The following PLXNA2 variants were observed in gnomAD, a reference collection of about 807,000 sequenced individuals.
The protein encoded by PLXNA2 is plexin-A2.
A neutral mutation model predicts 193.5 loss-of-function variants in PLXNA2; 91 were observed. That is an observed-to-expected ratio of 0.47 (90% confidence interval 0.40 to 0.56). The LOEUF is 0.56. PLXNA2 is among the 20% of genes least tolerant of loss of function. The probability of loss-of-function intolerance (pLI) is 0.00; values close to 1 mark genes in which losing one functional copy is unlikely to be tolerated. For synonymous variants in PLXNA2, 997 were observed against 1,027.3 expected, an observed-to-expected ratio of 0.97 and a Z score of 0.56; for missense variants, 1,995 against 2,503.2, an observed-to-expected ratio of 0.80 and a Z score of 4.33.
At chr1:208,073,267 C>T (rs1362004637) in intron 12 of PLXNA2, among the ~76,000 whole-genome samples, 1 of 152,164 alleles carries the variant, frequency 6.6e-6, no homozygotes, top group Admixed American at 6.5e-5. Flanking sequence ...TAACAGAAGA[C>T]CTGTATCCCT....
At chr1:208,233,523 G>A (rs1671756938) in intron 1 of PLXNA2, among the ~76,000 whole-genome samples, 1 of 152,222 alleles carries the variant, frequency 6.6e-6, no homozygotes, top group African/African-American at 2.4e-5. Flanking sequence ...CAATCGGGTG[G>A]CCTAGACCAG....
rs1229772170 is a variant in PLXNA2 at position 208,023,784 on chromosome 1, T to G, written c.*3459A>C. 6.6e-6 allele frequency: 1 copy of G among 152,264 alleles called. No homozygotes were observed. Among genetic ancestry groups the G allele is most frequent in the East Asian group, 1.9e-4 (1 of 5,194 alleles). The allele number at this position is 152,264 out of a possible 1,614,324, so 9.4% of individuals were successfully genotyped here. ...GAAGAAAGACCTTGGTTTTGTTCCG[T>G]GCTGTTTTCCCATCTCTAGAGCAGT... On this transcript the variant is annotated 3_prime_UTR_variant, in exon 32 of 32. Coordinates refer to ENST00000367033, the MANE Select transcript of PLXNA2 (RefSeq NM_025179.4).
rs1666362853 is a variant in PLXNA2, at chr1:208,082,072, C to T, written c.2395+340G>A. Reference sequence around the variant, plus strand: ...CAAGGACAGGGGAACAAGAGCCTGACTGGAAACAATATCTCCATTTCCAGG... The same window carrying T: ...CAAGGACAGGGGAACAAGAGCCTGATTGGAAACAATATCTCCATTTCCAGG... On this transcript the variant is annotated intron_variant, in intron 11 of 31. Transcript: ENST00000367033. The surrounding 1 kb of genome is among the most constrained non-coding windows in gnomAD (Gnocchi z 4.2). Among the ~76,000 whole-genome samples the T allele has an allele frequency of 6.6e-6, 1 of 152,198 alleles. No homozygotes were observed. The highest frequency in any genetic ancestry group is 2.4e-5 in the African/African-American group (1 of 41,440).
Position 208,173,890 on chromosome 1 carries a change from C to T in PLXNA2, c.1372-31427G>A, listed in dbSNP as rs77634676. Among the ~76,000 whole-genome samples, 1,074 of 152,338 alleles carry T rather than the reference C, an allele frequency of 7.1e-3. 55 individuals are homozygous for T. In the East Asian group the frequency reaches 0.15, roughly 21 times the overall value. ...CCAGCAACATCTGCTGCTGCTTGCT[C>T]GACTTTCATTTCCTCTGCCCCTCCT... On this transcript the variant is annotated intron_variant, in intron 3 of 31. Coordinates refer to ENST00000367033, the MANE Select transcript of PLXNA2 (RefSeq NM_025179.4).
chr1:208,217,645 G>A lies in PLXNA2; in HGVS notation c.278C>T (p.Ser93Phe). 1 of 1,614,206 alleles carries A rather than the reference G, an allele frequency of 6.2e-7. No individual in the cohort carries two copies. The highest frequency in any genetic ancestry group is 8.5e-7 in the Non-Finnish European group (1 of 1,180,034). ...CTGCACGATGAGGGGCGGGTAACAA[G>A]ACTTGTTGTCCTCTTCTGGCCCTGT... Reference protein sequence around the residue: ...HKTGPEEDNKSCYPPLIVQPC... With the variant: ...HKTGPEEDNKFCYPPLIVQPC... The change falls in exon 2 of 32, where the codon TCT becomes TTT. Residue 93 changes from serine (S) to phenylalanine (F), a missense_variant. Physicochemically the swap from Ser to Phe is radical, Grantham distance 155. Around this residue, in one of 3 missense-constraint regions of PLXNA2, gnomAD observed 702 missense variants for 812.9 expected, o/e 0.86. Transcript: ENST00000367033. The surrounding 1 kb of genome is among the most constrained non-coding windows in gnomAD (Gnocchi z 4.7).
At chr1:208,201,320 A>G (rs1009914536) in intron 3 of PLXNA2, among the ~76,000 whole-genome samples, 3 of 152,216 alleles carry the variant, frequency 2.0e-5, no homozygotes, top group African/African-American at 7.2e-5. Context: ...ACAACAGGGC[A>G]ACTGACACTT....
At chr1:208,123,073 C>T (rs1667855858) in intron 4 of PLXNA2, among the ~76,000 whole-genome samples, 2 of 152,184 alleles carry the variant, frequency 1.3e-5, no homozygotes, top group African/African-American at 2.4e-5. Context: ...TAGTCACTCC[C>T]ATTCCCTCCT....
At chr1:208,214,917 A>G (rs898653649) in intron 2 of PLXNA2, among the ~76,000 whole-genome samples, 1 of 152,072 alleles carries the variant, frequency 6.6e-6, no homozygotes, top group Non-Finnish European at 1.5e-5. Context: ...ACTCTGAGCC[A>G]CTACATTATG....
chr1:208,183,089 C>T (rs992776798), intron 3 of PLXNA2, among the ~76,000 whole-genome samples: 4 of 152,170 alleles, frequency 2.6e-5, no homozygotes, highest in African/African-American at 9.6e-5. Context: ...TCCTCTGGGG[C>T]TCCCCCTTCG....
chr1:208,173,163 C>T (rs549590761), intron 3 of PLXNA2, among the ~76,000 whole-genome samples: 14 of 152,230 alleles, frequency 9.2e-5, no homozygotes, highest in Admixed American at 5.9e-4. Context: ...CAAATCCTGT[C>T]GGTGCAAGAT....
In PLXNA2 at chr1:208,044,589, G is replaced by A; in HGVS notation, c.3793C>T (p.Arg1265Ter). ...CGCTTGAGAGTGAGGTCATTTTCTCGAGACTTGCGCTTGTAGGCAATGAGG... is the reference window on the plus strand; with the variant it reads ...CGCTTGAGAGTGAGGTCATTTTCTCAAGACTTGCGCTTGTAGGCAATGAGG... ...IVLIAYKRKS[R>*]ENDLTLKRLQ... Residue 1265 changes from arginine to a stop codon, truncating the protein, a stop_gained, in exon 20 of 32, where the codon CGA becomes TGA. Coordinates refer to ENST00000367033, the MANE Select transcript of PLXNA2 (RefSeq NM_025179.4). LOFTEE classifies it high-confidence loss of function. This position sits in a 1 kb window ranked among gnomAD's most constrained non-coding sequence, Gnocchi z 4.9. 6.2e-7 allele frequency: 1 copy of A among 1,614,154 alleles called. No homozygotes were observed. Among genetic ancestry groups the A allele is most frequent in the Non-Finnish European group, 8.5e-7 (1 of 1,180,024 alleles).
At chr1:208,054,617 A>T in intron 13 of PLXNA2, 79 bp from the exon 14 acceptor site, 1 of 943,646 alleles carries the variant, frequency 1.1e-6, no homozygotes. Context: ...CAGTCATGGC[A>T]AATGACTCAT....
At chr1:208,114,330 C>T (rs867966192) in intron 4 of PLXNA2, among the ~76,000 whole-genome samples, 2 of 152,298 alleles carry the variant, frequency 1.3e-5, no homozygotes, top group Middle Eastern at 3.4e-3. Flanking sequence ...GAAGGGACCC[C>T]ACGTTGATGT....
intron 5 of PLXNA2, among the ~76,000 whole-genome samples, chr1:208,102,271 C>T (rs1471819603): frequency 2.0e-5 from 3 of 152,200 alleles, no homozygotes; most frequent in South Asian, 2.1e-4. Flanking sequence ...CCTCCGCCTC[C>T]GCCTCCACCC....
In PLXNA2 at chr1:208,218,012, A is replaced by G; in HGVS notation, c.-80-10T>C. 2 of 1,549,678 alleles carry G rather than the reference A, an allele frequency of 1.3e-6. No homozygotes were observed. The highest frequency in any genetic ancestry group is 1.7e-6 in the Non-Finnish European group (2 of 1,154,188). ...TGGCCCTCACATGATTCTGCAAAAC[A>G]CAAGGCAGAGTGGTCAGACCAAAAA... On this transcript the variant is annotated splice_polypyrimidine_tract_variant and intron_variant, in intron 1 of 31. Transcript: ENST00000367033.
At chr1:208,215,344 G>A (rs1041065646) in intron 2 of PLXNA2, among the ~76,000 whole-genome samples, 1 of 152,112 alleles carries the variant, frequency 6.6e-6, no homozygotes. Flanking sequence ...ACAGTGCCAG[G>A]CATTCAGAAG....
At chr1:208,203,051 C>T (rs766941484) in intron 3 of PLXNA2, among the ~76,000 whole-genome samples, 3 of 152,238 alleles carry the variant, frequency 2.0e-5, no homozygotes, top group South Asian at 2.1e-4. Context: ...TCTACACCTG[C>T]CATGGTCAAG....
chr1:208,159,382 G>A (rs886993423), intron 3 of PLXNA2, among the ~76,000 whole-genome samples: 10 of 152,364 alleles, frequency 6.6e-5, no homozygotes, highest in Non-Finnish European at 1.5e-4. Flanking sequence ...GAGTCCTGGT[G>A]AAAGCACACA....
chr1:208,232,568 C>T (rs1213718757), intron 1 of PLXNA2, among the ~76,000 whole-genome samples: 1 of 152,222 alleles, frequency 6.6e-6, no homozygotes, highest in Non-Finnish European at 1.5e-5. Context: ...TTCTCTGTCT[C>T]CAACCAAGCT....
Sources: allele counts gnomAD v4.1 joint callset (sites outside exome capture counted in the v4.1 genomes callset), GRCh38; gene constraint gnomAD v4.1.1; regional missense constraint gnomAD v4.1.1; non-coding constraint Gnocchi (gnomAD v3.1); transcripts MANE v1.5; gene names NCBI Gene and HGNC (gene_info 2026-07-23, HGNC 2026-07-21).